Variants in MTUS2 observed in about 807,000 individuals in gnomAD.
The protein encoded by MTUS2 is microtubule associated scaffold protein 2.
Under a neutral mutation model 114.1 loss-of-function variants are expected in MTUS2, and 40 were observed. The ratio of observed to expected loss-of-function variants is 0.35; its 90% CI spans 0.27 to 0.46. The LOEUF is 0.46. MTUS2 is among the 20% of genes least tolerant of loss of function. MTUS2 has a pLI of 1.00. For synonymous variants in MTUS2, 688 were observed against 672.0 expected, an observed-to-expected ratio of 1.02 and a Z score of -0.37; for missense variants, 1,679 against 1,705.4, an observed-to-expected ratio of 0.98 and a Z score of 0.27.
At chr13:29,275,182 TTAAG>T (rs1432720631) in intron 5 of MTUS2, among the ~76,000 whole-genome samples, 2 of 152,222 alleles carry the variant, frequency 1.3e-5, no homozygotes, top group African/African-American at 4.8e-5. Flanking sequence ...TCACTTCTTC[TTAAG>T]TTTTATTGTT....
intron 5 of MTUS2, among the ~76,000 whole-genome samples, chr13:29,275,444 T>C (rs7984345): frequency 0.15 from 23,523 of 152,194 alleles, 2,039 homozygotes; most frequent in African/African-American, 0.23. Context: ...CACCCTGTTA[T>C]CCTAGTAAAT....
intron 2 of MTUS2, among the ~76,000 whole-genome samples, chr13:28,843,229 A>G (rs769977398): frequency 2.6e-5 from 4 of 152,282 alleles, no homozygotes; most frequent in South Asian, 4.1e-4. Context: ...GTTGGTTGCA[A>G]TTGGTTTCCC....
intron 9 of MTUS2, among the ~76,000 whole-genome samples, chr13:29,460,400 A>C (rs547179496): frequency 1.2e-4 from 18 of 152,222 alleles, no homozygotes; most frequent in Non-Finnish European, 2.4e-4. Context: ...CATTACTCCC[A>C]GAGACACTGT....
At chr13:28,945,201 C>A (rs896979653) in intron 2 of MTUS2, among the ~76,000 whole-genome samples, 1 of 147,610 alleles carries the variant, frequency 6.8e-6, no homozygotes, top group African/African-American at 2.7e-5. Flanking sequence ...ATATACACCA[C>A]ATTTTCTTTA....
At position 29,026,692 on chromosome 13, in the gene MTUS2, T is replaced by C; in HGVS notation, c.1994T>C (p.Val665Ala). 1 of 1,614,010 alleles carries C rather than the reference T, an allele frequency of 6.2e-7. No individual in the cohort carries two copies. Among genetic ancestry groups the C allele is most frequent in the Non-Finnish European group, 8.5e-7 (1 of 1,179,880 alleles). The stretch of plus-strand genomic sequence containing the variant: ...CAGGTGGACGCCTCGCTGGTTCCAG[T>C]GGGGCTTCCATATGCCCCGCCCACA... ...LGQVDASLVP[V>A]GLPYAPPTCT... The change falls in exon 3 of 16, where the codon GTG (valine) becomes GCG (alanine). Residue 665 changes from valine (V) to alanine (A), a missense_variant. Transcript: ENST00000612955.
intron 2 of MTUS2, among the ~76,000 whole-genome samples, chr13:28,965,624 GTA>G (rs776527916): frequency 2.0e-5 from 3 of 152,072 alleles, no homozygotes; most frequent in Non-Finnish European, 4.4e-5. Context: ...GTGTGTGTGT[GTA>G]TATATATGAT....
chr13:29,130,162 G>A (rs1315953123), intron 5 of MTUS2, among the ~76,000 whole-genome samples: 1 of 152,200 alleles, frequency 6.6e-6, no homozygotes, highest in Non-Finnish European at 1.5e-5. Context: ...GCAAGAATAT[G>A]TGTAGATTTT....
At chr13:29,094,444 C>G (rs1890093905) in intron 4 of MTUS2, among the ~76,000 whole-genome samples, 1 of 151,666 alleles carries the variant, frequency 6.6e-6, no homozygotes, top group African/African-American at 2.4e-5. Context: ...TGGAATTTGT[C>G]CATTTCACTA....
At chr13:28,913,376 A>C (rs76006431) in intron 2 of MTUS2, among the ~76,000 whole-genome samples, 1 of 152,034 alleles carries the variant, frequency 6.6e-6, no homozygotes, top group East Asian at 1.9e-4. Flanking sequence ...ATAATCATGT[A>C]GTTTTTGTCT....
intron 2 of MTUS2, among the ~76,000 whole-genome samples, chr13:28,881,086 G>A (rs1878259752): frequency 6.6e-6 from 1 of 152,116 alleles, no homozygotes; most frequent in African/African-American, 2.4e-5. Flanking sequence ...GCCATGTAGT[G>A]GACACTGTAC....
rs200227165 is a variant in MTUS2, at chr13:29,193,938, C to T, written c.2645-87766C>T. On this transcript the variant is annotated intron_variant, in intron 5 of 15. Transcript: ENST00000612955. Reference sequence around the variant, plus strand: ...AGAACAGAGCCCTCAGAAATAACGCCGCATATCTACAAATATCTGATCTTT... The same window carrying T: ...AGAACAGAGCCCTCAGAAATAACGCTGCATATCTACAAATATCTGATCTTT... Among the ~76,000 whole-genome samples the T allele has an allele frequency of 1.7e-3, 258 of 152,098 alleles. 1 individual carries two copies. Among genetic ancestry groups the T allele is most frequent in the African/African-American group, 5.6e-3 (231 of 41,472 alleles).
At chr13:29,246,441 A>G (rs1027856266) in intron 5 of MTUS2, among the ~76,000 whole-genome samples, 1 of 152,160 alleles carries the variant, frequency 6.6e-6, no homozygotes, top group Non-Finnish European at 1.5e-5. Context: ...GAACTCAGAG[A>G]CCAGAGAGCC....
At chr13:29,466,456 G>A (rs1430823559) in intron 9 of MTUS2, among the ~76,000 whole-genome samples, 2 of 152,184 alleles carry the variant, frequency 1.3e-5, no homozygotes, top group Non-Finnish European at 2.9e-5. Flanking sequence ...GTTGTAATCA[G>A]GAGAAGCTGG....
intron 9 of MTUS2, among the ~76,000 whole-genome samples, chr13:29,453,443 AG>A (rs1878883493): frequency 1.3e-5 from 2 of 152,206 alleles, no homozygotes; most frequent in Non-Finnish European, 2.9e-5. Context: ...AGGAAAAGAA[AG>A]ATGTGACCAG....
At chr13:28,862,384 G>T (rs371190912) in intron 2 of MTUS2, among the ~76,000 whole-genome samples, 3 of 152,352 alleles carry the variant, frequency 2.0e-5, no homozygotes, top group African/African-American at 7.2e-5. Flanking sequence ...GCCGAGGCGG[G>T]TGCATCACCT....
intron 2 of MTUS2, among the ~76,000 whole-genome samples, chr13:28,875,904 T>A (rs969919760): frequency 3.3e-5 from 5 of 152,240 alleles, no homozygotes; most frequent in African/African-American, 9.6e-5. Context: ...AAAACCCGTT[T>A]AAAATTTTCT....
intron 1 of MTUS2, among the ~76,000 whole-genome samples, chr13:28,830,269 C>T (rs1874575671): frequency 6.6e-6 from 1 of 152,052 alleles, no homozygotes; most frequent in East Asian, 1.9e-4. Flanking sequence ...CAAGCAGTAG[C>T]ATATGGGCCA....
At chr13:29,478,028 T>G (rs912447491) in intron 9 of MTUS2, among the ~76,000 whole-genome samples, 1 of 152,216 alleles carries the variant, frequency 6.6e-6, no homozygotes, top group Admixed American at 6.5e-5. Context: ...CTCAATGGGA[T>G]AAGAAGAAAA....
At chr13:29,285,343 G>T (rs1898436145) in intron 6 of MTUS2, among the ~76,000 whole-genome samples, 1 of 152,136 alleles carries the variant, frequency 6.6e-6, no homozygotes, top group Non-Finnish European at 1.5e-5. Flanking sequence ...CAAATAGCTG[G>T]TGAGGGGGAA....
Sources: allele counts gnomAD v4.1 joint callset (sites outside exome capture counted in the v4.1 genomes callset), GRCh38; gene constraint gnomAD v4.1.1; transcripts MANE v1.5; gene names NCBI Gene and HGNC (gene_info 2026-07-23, HGNC 2026-07-21).